The following FEM1C variants were observed in gnomAD, a reference collection of about 807,000 sequenced individuals.
FEM1C encodes the protein protein fem-1 homolog C.
A neutral mutation model predicts 37.6 loss-of-function variants in FEM1C; 15 were observed. The observed-to-expected ratio is 0.40, with a 90% CI of 0.27 to 0.61. The LOEUF (loss-of-function observed/expected upper bound fraction) is 0.61, where lower values mean the gene tolerates loss of function less well. FEM1C is among the 20% of genes least tolerant of loss of function. The probability of loss-of-function intolerance (pLI) is 0.42; values close to 1 mark genes in which losing one functional copy is unlikely to be tolerated. For synonymous variants in FEM1C, 287 were observed against 272.8 expected (o/e 1.05, Z -0.51); for missense variants, 532 against 749.7 (o/e 0.71, Z 3.39).
rs1211844894 is a variant in FEM1C at position 115,524,644 on chromosome 5, T to C, written c.1518A>G (p.Pro506=). 3 of 1,575,838 alleles carry C rather than the reference T, an allele frequency of 1.9e-6. No individual in the cohort carries two copies. Among genetic ancestry groups the C allele is most frequent in the Non-Finnish European group, 2.6e-6 (3 of 1,163,862 alleles). The stretch of plus-strand genomic sequence containing the variant: ...TCAGTATTGCAGTAACTTGTAGAGA[T>C]GGAAATTTACAAACAGGGTACCGCC... ...CVGRYPVCKF[P]SLQVTAILIE... is the part of the protein sequence containing the mutation. The change falls in exon 3 of 3, where the codon CCA becomes CCG. Residue 506 remains proline (P), a synonymous_variant. Coordinates refer to ENST00000274457, the MANE Select transcript of FEM1C (RefSeq NM_020177.3).
chr5:115,522,791 C>G lies in FEM1C; in HGVS notation c.*1517G>C, dbSNP rs919474940. Reference sequence around the variant, plus strand: ...TTTATTGAGAACAACTTCATTAAGACATTTGCAGGGCAAATATGCCATCAT... The same window carrying G: ...TTTATTGAGAACAACTTCATTAAGAGATTTGCAGGGCAAATATGCCATCAT... On this transcript the variant is annotated 3_prime_UTR_variant, in exon 3 of 3. Transcript: ENST00000274457. The G allele has an allele frequency of 6.6e-6, 1 of 152,422 alleles. No homozygotes were observed. Among genetic ancestry groups the G allele is most frequent in the Non-Finnish European group, 1.5e-5 (1 of 67,898 alleles). 9.4% of individuals were successfully genotyped at this position (152,422 alleles called of 1,614,324 possible).
In FEM1C at chr5:115,525,528, C is replaced by T. The variant is rs781774629; in HGVS notation, c.634G>A (p.Gly212Ser). 3.7e-6 allele frequency: 6 copies of T among 1,613,492 alleles called. No homozygotes were observed. The highest frequency in any genetic ancestry group is 5.1e-6 in the Non-Finnish European group (6 of 1,179,752). Residue 212 changes from glycine (G) to serine (S), a missense_variant, in exon 3 of 3, where the codon GGT (glycine) becomes AGT (serine). Gly to Ser is a moderately conservative substitution (Grantham distance 56). Transcript: ENST00000274457. ...GAGAGAAGGGGAGTCATTCCATAAC[C>T]ATCCTTTTCCATCTTGGCACAATAC... The part of the protein sequence containing the change: ...LMYCAKMEKD[G>S]YGMTPLLSAS...
Position 115,531,030 on chromosome 5 carries a change from C to A in FEM1C, c.545-5413G>T, listed in dbSNP as rs1040196801. 3.3e-5 allele frequency among the ~76,000 whole-genome samples: 5 copies of A among 151,940 alleles called. No individual in the cohort carries two copies. The East Asian group carries it at 9.7e-4, about 29-fold the overall frequency. ...CCCACATTTTATTTAACTGTTGCCCCCTTTTAATCTTATATTAATAACTTT... is the reference window on the plus strand; with the variant it reads ...CCCACATTTTATTTAACTGTTGCCCACTTTTAATCTTATATTAATAACTTT... On this transcript the variant is annotated intron_variant, in intron 2 of 2. Transcript: ENST00000274457.
At chr5:115,534,650 C>T (rs1186599821) in intron 2 of FEM1C, among the ~76,000 whole-genome samples, 1 of 151,944 alleles carries the variant, frequency 6.6e-6, no homozygotes, top group Admixed American at 6.6e-5. Context: ...ACAAAAATGT[C>T]CTCCTAAGGA....
chr5:115,529,756 C>T (rs1330805450), intron 2 of FEM1C, among the ~76,000 whole-genome samples: 2 of 152,028 alleles, frequency 1.3e-5, no homozygotes, highest in African/African-American at 4.8e-5. Context: ...TCTAAGATCT[C>T]TTTCTTGTAA....
At chr5:115,542,067 T>C (rs1754253422) in intron 2 of FEM1C, among the ~76,000 whole-genome samples, 1 of 152,208 alleles carries the variant, frequency 6.6e-6, no homozygotes, top group African/African-American at 2.4e-5. Flanking sequence ...TAGTGAATTA[T>C]TTTGCTGTCG....
In FEM1C at chr5:115,543,133, G is replaced by T. The variant is rs373922634; in HGVS notation, c.361C>A (p.Arg121=). ...NTTLTNSTPL[R]AACFDGHLEI... ...AAATGGCCATCGAAACACGCAGCTC[G>T]AAGAGGAGTTGAATTGGTTAAAGTC... The change falls in exon 2 of 3, where the codon CGA becomes AGA. Residue 121 remains arginine, a synonymous_variant. Coordinates refer to ENST00000274457, the MANE Select transcript of FEM1C (RefSeq NM_020177.3). 3.1e-6 allele frequency: 5 copies of T among 1,614,074 alleles called. No homozygotes were observed. Among genetic ancestry groups the T allele is most frequent in the Non-Finnish European group, 4.2e-6 (5 of 1,180,042 alleles).
intron 2 of FEM1C, among the ~76,000 whole-genome samples, chr5:115,527,227 T>C (rs1029498889): frequency 2.3e-4 from 35 of 152,086 alleles, no homozygotes. Flanking sequence ...GGGGGTGGCT[T>C]TGGGGATGCT....
intron 2 of FEM1C, among the ~76,000 whole-genome samples, chr5:115,539,541 G>A (rs1754197405): frequency 6.6e-6 from 1 of 152,028 alleles, no homozygotes; most frequent in Admixed American, 6.5e-5. Context: ...ATATATCAAA[G>A]ATTTTCTCCC....
At position 115,522,505 on chromosome 5, in the gene FEM1C, G is replaced by A. The variant is rs1300307650; in HGVS notation, c.*1803C>T. 6.6e-6 allele frequency: 1 copy of A among 151,894 alleles called. No homozygotes were observed. Among genetic ancestry groups the A allele is most frequent in the Non-Finnish European group, 1.5e-5 (1 of 67,884 alleles). 9.4% of individuals were successfully genotyped at this position (151,894 alleles called of 1,614,324 possible). A position where few individuals can be genotyped will look rare whatever the true frequency, so the allele number is the denominator to read the frequency against. The stretch of plus-strand genomic sequence containing the variant: ...ATCAAATTTACAACCTAGCAAATGA[G>A]TAAGAATATCTTTTAAAAATTAAAT... On this transcript the variant is annotated 3_prime_UTR_variant, in exon 3 of 3. Transcript: ENST00000274457.
At chr5:115,542,409 T>C (rs1045317691) in intron 2 of FEM1C, among the ~76,000 whole-genome samples, 7 of 152,146 alleles carry the variant, frequency 4.6e-5, no homozygotes, top group Non-Finnish European at 8.8e-5. Context: ...CAAACAAATA[T>C]AGAATAAGGG....
At chr5:115,536,120 C>T (rs562458408) in intron 2 of FEM1C, among the ~76,000 whole-genome samples, 2 of 151,704 alleles carry the variant, frequency 1.3e-5, no homozygotes, top group South Asian at 4.2e-4. Context: ...AGATTTTTTC[C>T]GGGGGTGATG....
chr5:115,524,336 A>T lies in FEM1C; in HGVS notation c.1826T>A (p.Leu609Gln). The change falls in exon 3 of 3, where the codon CTA becomes CAA. Residue 609 changes from leucine (L) to glutamine (Q), a missense_variant. Around this residue, in one of 3 missense-constraint regions of FEM1C, gnomAD observed 237 missense variants for 260.5 expected, o/e 0.91. Transcript: ENST00000274457. ...TCTATGAAGGGAAACAAAAGTCTCTAGCTTTTCTGGGATATGCCCTTTATA... is the reference window on the plus strand; with the variant it reads ...TCTATGAAGGGAAACAAAAGTCTCTTGCTTTTCTGGGATATGCCCTTTATA... ...IYYKGHIPEKLETFVSLHR is the reference protein window; with the variant it reads ...IYYKGHIPEKQETFVSLHR 6.2e-7 allele frequency: 1 copy of T among 1,613,310 alleles called. No individual in the cohort carries two copies.
intron 2 of FEM1C, among the ~76,000 whole-genome samples, chr5:115,537,840 A>C (rs1349152371): frequency 6.6e-6 from 1 of 152,084 alleles, no homozygotes; most frequent in Non-Finnish European, 1.5e-5. Context: ...TTCAACACTC[A>C]GATAGTACTA....
intron 1 of FEM1C, 114 bp from the exon 2 acceptor site, chr5:115,543,797 A>C: frequency 9.0e-7 from 1 of 1,113,866 alleles, no homozygotes; most frequent in Non-Finnish European, 1.1e-6. Context: ...TTCAGGCACT[A>C]CTCCATCCCA....
intron 1 of FEM1C, 147 bp from the exon 2 acceptor site, chr5:115,543,830 A>C: frequency 1.1e-6 from 1 of 924,400 alleles, no homozygotes; most frequent in Non-Finnish European, 1.3e-6. Context: ...ACCCCCAAAG[A>C]AAAGGTGGTA....
intron 2 of FEM1C, among the ~76,000 whole-genome samples, chr5:115,538,416 G>A (rs555817531): frequency 3.9e-5 from 6 of 152,088 alleles, no homozygotes; most frequent in African/African-American, 1.4e-4. Context: ...ATAAAACATA[G>A]TGCTTGCCAT....
intron 2 of FEM1C, among the ~76,000 whole-genome samples, chr5:115,528,875 A>G (rs1277983047): frequency 6.6e-6 from 1 of 152,124 alleles, no homozygotes; most frequent in Non-Finnish European, 1.5e-5. Flanking sequence ...TTCAACAGAA[A>G]ACTGGAAACT....
At chr5:115,540,186 C>T (rs916001812) in intron 2 of FEM1C, among the ~76,000 whole-genome samples, 1 of 152,006 alleles carries the variant, frequency 6.6e-6, no homozygotes, top group Non-Finnish European at 1.5e-5. Flanking sequence ...CAATTGGTTC[C>T]TGCTTTTGTT....
Sources: allele counts gnomAD v4.1 joint callset (sites outside exome capture counted in the v4.1 genomes callset), GRCh38; gene constraint gnomAD v4.1.1; regional missense constraint gnomAD v4.1.1; transcripts MANE v1.5; gene names NCBI Gene and HGNC (gene_info 2026-07-23, HGNC 2026-07-21).